The following COX6C variants were observed in gnomAD, a reference collection of about 807,000 sequenced individuals.
COX6C encodes the protein cytochrome c oxidase subunit 6C.
A neutral mutation model predicts 6.9 loss-of-function variants in COX6C; 3 were observed. The observed-to-expected ratio is 0.43, with a 90% CI of 0.20 to 1.12. COX6C has a LOEUF of 1.12. COX6C is among the 50% of genes most tolerant of loss of function. The probability of loss-of-function intolerance (pLI) is 0.27; values close to 1 mark genes in which losing one functional copy is unlikely to be tolerated. For missense variants in COX6C, 101 were observed against 97.3 expected (o/e 1.04, Z -0.16); for synonymous variants, 32 against 32.0 (o/e 1.00, Z 0.00).
chr8:99,881,301 A>G (rs972915944), intron 3 of COX6C, among the ~76,000 whole-genome samples: 2 of 152,070 alleles, frequency 1.3e-5, no homozygotes, highest in Admixed American at 1.3e-4. Context: ...CGGAAGTTGC[A>G]GTGAGCCGAG....
intron 1 of COX6C, among the ~76,000 whole-genome samples, chr8:99,892,663 T>C: frequency 6.6e-6 from 1 of 152,062 alleles, no homozygotes; most frequent in East Asian, 1.9e-4. Context: ...TCTCTTGGCT[T>C]AGCCTGTTTC....
At position 99,891,942 on chromosome 8, in the gene COX6C, A is replaced by C. The variant is rs776965435; in HGVS notation, c.80T>G (p.Phe27Cys). ...AGCTGCAACCCCCAGGGATAGCACG[A>C]ATGCTACAGCCATATGATTTCGCAG... ...RRLRNHMAVA[F>C]VLSLGVAALY... Residue 27 changes from phenylalanine to cysteine, a missense_variant, in exon 2 of 4, where the codon TTC (phenylalanine) becomes TGC (cysteine). Transcript: ENST00000520468. 1 of 1,614,070 alleles carries C rather than the reference A, an allele frequency of 6.2e-7. No homozygotes were observed.
chr8:99,883,901 T>C (rs1433478655), intron 3 of COX6C, among the ~76,000 whole-genome samples: 2 of 152,148 alleles, frequency 1.3e-5, no homozygotes, highest in African/African-American at 4.8e-5. Flanking sequence ...ACTGACAGAA[T>C]GAAGGATAAA....
At chr8:99,882,479 T>A (rs980643766) in intron 3 of COX6C, among the ~76,000 whole-genome samples, 2 of 151,866 alleles carry the variant, frequency 1.3e-5, no homozygotes, top group Non-Finnish European at 2.9e-5. Context: ...AATCAATAAA[T>A]TAAAAAAGAA....
chr8:99,888,986 G>A (rs1398607253), intron 2 of COX6C, among the ~76,000 whole-genome samples: 1 of 152,204 alleles, frequency 6.6e-6, no homozygotes, highest in Non-Finnish European at 1.5e-5. Flanking sequence ...TTTGCTGAGA[G>A]TCTGTTTTCT....
chr8:99,879,216 G>A (rs1158458994), intron 3 of COX6C, among the ~76,000 whole-genome samples: 1 of 152,150 alleles, frequency 6.6e-6, no homozygotes, highest in Non-Finnish European at 1.5e-5. Context: ...CAGCACACCA[G>A]TCAGTCCTTT....
intron 2 of COX6C, among the ~76,000 whole-genome samples, chr8:99,891,589 A>G (rs754852996): frequency 1.6e-4 from 25 of 152,330 alleles, no homozygotes; most frequent in Non-Finnish European, 3.4e-4. Context: ...ATATGCCCAC[A>G]GAGGACCCTG....
rs73703026 is a variant in COX6C at position 99,885,314 on chromosome 8, C to T, written c.*15+2176G>A. ...TACTATGTCTAATTTATGAGTTAAACGTCATCATAGGTATGTACGTACACG... is the reference window on the plus strand; with the variant it reads ...TACTATGTCTAATTTATGAGTTAAATGTCATCATAGGTATGTACGTACACG... On this transcript the variant is annotated intron_variant, in intron 3 of 3. Coordinates refer to ENST00000520468, the MANE Select transcript of COX6C (RefSeq NM_004374.4). Among the ~76,000 whole-genome samples the T allele has an allele frequency of 5.6e-3, 850 of 152,200 alleles. 3 individuals carry two copies. The highest frequency in any genetic ancestry group is 0.019 in the African/African-American group (800 of 41,530).
chr8:99,886,383 C>T (rs1817943241), intron 3 of COX6C: 1 of 151,810 alleles, frequency 6.6e-6, no homozygotes, highest in Non-Finnish European at 1.5e-5. Flanking sequence ...GAGGGAGACC[C>T]TGTTAAAAAA....
At chr8:99,887,410 T>C (rs560384044) in intron 3 of COX6C, 80 bp downstream of exon 3, 29 of 721,042 alleles carry the variant, frequency 4.0e-5, no homozygotes, top group South Asian at 2.4e-4. Flanking sequence ...AGTCTAAACA[T>C]TGTGAGGGAC....
At chr8:99,886,337 C>A (rs1328764339) in intron 3 of COX6C, 1 of 152,134 alleles carries the variant, frequency 6.6e-6, no homozygotes, top group Non-Finnish European at 1.5e-5. Flanking sequence ...CTGCAGTGAG[C>A]CATGATCGCA....
At chr8:99,884,101 G>T (rs551618797) in intron 3 of COX6C, among the ~76,000 whole-genome samples, 2 of 152,254 alleles carry the variant, frequency 1.3e-5, no homozygotes, top group Middle Eastern at 6.8e-3. Context: ...GCCCGCTCTT[G>T]CCACTTCTAT....
intron 3 of COX6C, among the ~76,000 whole-genome samples, chr8:99,880,732 A>C (rs1004272926): frequency 6.6e-6 from 1 of 152,020 alleles, no homozygotes; most frequent in Admixed American, 6.6e-5. Flanking sequence ...AAAAGTCTGA[A>C]GAGAAAAAAA....
Position 99,891,935 on chromosome 8 carries a change from T to A in COX6C, c.87A>T (p.Leu29=). 1 of 1,614,182 alleles carries A rather than the reference T, an allele frequency of 6.2e-7. No individual in the cohort carries two copies. The highest frequency in any genetic ancestry group is 8.5e-7 in the Non-Finnish European group (1 of 1,180,036). ...LRNHMAVAFV[L]SLGVAALYKF... ...TATACAAAGCTGCAACCCCCAGGGA[T>A]AGCACGAATGCTACAGCCATATGAT... Residue 29 remains leucine, a synonymous_variant, in exon 2 of 4, where the codon CTA becomes CTT. Transcript: ENST00000520468.
In COX6C at chr8:99,884,234, C is replaced by T. The variant is rs1170645981; in HGVS notation, c.*15+3256G>A. Among the ~76,000 whole-genome samples, 3 of 152,096 alleles carry T rather than the reference C, an allele frequency of 2.0e-5. No homozygotes were observed. The East Asian group carries it at 5.8e-4, about 29-fold the overall frequency. On this transcript the variant is annotated intron_variant, in intron 3 of 3. Coordinates refer to ENST00000520468, the MANE Select transcript of COX6C (RefSeq NM_004374.4). Reference sequence around the variant, plus strand: ...ATCATATAATCTTACCTCCAGCAAACCCTAAAGATTTCTAACACACAAGTG... The same window carrying T: ...ATCATATAATCTTACCTCCAGCAAATCCTAAAGATTTCTAACACACAAGTG...
intron 3 of COX6C, among the ~76,000 whole-genome samples, chr8:99,881,088 A>C (rs1817854996): frequency 6.6e-6 from 1 of 152,114 alleles, no homozygotes; most frequent in South Asian, 2.1e-4. Flanking sequence ...TGCCAGGTAC[A>C]GTGGCTCATG....
chr8:99,879,237 AGAACTTT>A lies in COX6C; in HGVS notation c.*16-979_*16-973del, dbSNP rs576425109. Among the ~76,000 whole-genome samples, 610 of 152,366 alleles carry A rather than the reference AGAACTTT, an allele frequency of 4.0e-3. 1 individual carries two copies. Among genetic ancestry groups the A allele is most frequent in the Middle Eastern group, 6.8e-3 (2 of 294 alleles). The stretch of plus-strand genomic sequence containing the variant: ...ACCAGTCAGTCCTTTTCTAGATAAT[AGAACTTT>A]AATTCACACTGTCCATGAGGCATAA... On this transcript the variant is annotated intron_variant, in intron 3 of 3. Coordinates refer to ENST00000520468, the MANE Select transcript of COX6C (RefSeq NM_004374.4).
chr8:99,891,992 C>T lies in COX6C; in HGVS notation c.30G>A (p.Arg10=). ...GACGCCTGGCCAGAAGGCCACGCAT[C>T]CGAGGTTTTGGCAAAACTTCGGGAG... The part of the protein sequence containing the change: MAPEVLPKP[R]MRGLLARRLR... The change falls in exon 2 of 4, where the codon CGG becomes CGA. Residue 10 remains arginine (R), a synonymous_variant. Transcript: ENST00000520468. 6.2e-7 allele frequency: 1 copy of T among 1,613,190 alleles called. No individual in the cohort carries two copies. The highest frequency in any genetic ancestry group is 1.1e-5 in the South Asian group (1 of 90,834).
At chr8:99,883,471 A>ATATATAT (rs528881148) in intron 3 of COX6C, among the ~76,000 whole-genome samples, 2 of 137,718 alleles carry the variant, frequency 1.5e-5, no homozygotes, top group African/African-American at 2.8e-5. Flanking sequence ...ATATATATAT[A>ATATATAT]TTTTTTTTTT....
Sources: allele counts gnomAD v4.1 joint callset (sites outside exome capture counted in the v4.1 genomes callset), GRCh38; gene constraint gnomAD v4.1.1; transcripts MANE v1.5; gene names NCBI Gene and HGNC (gene_info 2026-07-23, HGNC 2026-07-21).